Variants in NFIB observed in about 807,000 individuals in gnomAD.
NFIB encodes the protein nuclear factor I B.
NFIB carries 11 observed loss-of-function variants against 61.5 expected under a neutral mutation model. That is an observed-to-expected ratio of 0.18 (90% CI 0.11 to 0.30). The LOEUF is 0.30. NFIB is among the 10% of genes least tolerant of loss of function. The pLI, the probability that NFIB is intolerant of heterozygous loss-of-function variation, is 1.00. For synonymous variants in NFIB, 260 were observed against 216.5 expected, an observed-to-expected ratio of 1.20 and a Z score of -1.76; for missense variants, 471 against 608.9, an observed-to-expected ratio of 0.77 and a Z score of 2.38.
At chr9:14,157,852 A>G (rs2043619506) in intron 3 of NFIB, among the ~76,000 whole-genome samples, 2 of 152,110 alleles carry the variant, frequency 1.3e-5, no homozygotes, top group African/African-American at 4.8e-5. Flanking sequence ...TATATTAAGT[A>G]CAAAACCTTC....
chr9:14,333,067 T>C (rs768978905), intron 1 of NFIB, among the ~76,000 whole-genome samples: 5 of 152,298 alleles, frequency 3.3e-5, no homozygotes, highest in Admixed American at 3.3e-4. Context: ...AACGCTATTG[T>C]AGAGCTTTGG....
chr9:14,186,308 C>T (rs1038366303), intron 2 of NFIB, among the ~76,000 whole-genome samples: 2 of 152,094 alleles, frequency 1.3e-5, no homozygotes, highest in African/African-American at 2.4e-5. Flanking sequence ...ATAAAGGGCC[C>T]TTTTGTCATA....
intron 2 of NFIB, among the ~76,000 whole-genome samples, chr9:14,207,619 C>T (rs774363538): frequency 6.6e-6 from 1 of 152,230 alleles, no homozygotes. Context: ...CACTACCTTC[C>T]TCCTTCCCCA....
the NFIB span, among the ~76,000 whole-genome samples, chr9:14,482,879 C>T: frequency 1.4e-4 from 21 of 152,136 alleles, no homozygotes; most frequent in Non-Finnish European, 1.3e-4. Flanking sequence ...TTTGTAACTG[C>T]TCAAAATAAA....
chr9:14,490,754 T>C, the NFIB span, among the ~76,000 whole-genome samples: 1 of 152,204 alleles, frequency 6.6e-6, no homozygotes, highest in African/African-American at 2.4e-5. Flanking sequence ...TGCGATACCA[T>C]CTTACTATCC....
At chr9:14,136,397 A>G (rs553131224) in intron 6 of NFIB, among the ~76,000 whole-genome samples, 16 of 152,240 alleles carry the variant, frequency 1.1e-4, no homozygotes, top group African/African-American at 3.8e-4. Context: ...CCTCTTGGCT[A>G]TGGAGTCTTA....
At chr9:14,419,118 A>T in the NFIB span, among the ~76,000 whole-genome samples, 2 of 151,748 alleles carry the variant, frequency 1.3e-5, no homozygotes, top group Non-Finnish European at 2.9e-5. Context: ...AACTGGGCAA[A>T]AAAATAGAGG....
chr9:14,227,572 C>A (rs959394125), intron 2 of NFIB, among the ~76,000 whole-genome samples: 3 of 152,096 alleles, frequency 2.0e-5, no homozygotes, highest in Non-Finnish European at 4.4e-5. Context: ...TGAATACTGG[C>A]ATGAAAATTT....
intron 6 of NFIB, 79 bp from the exon 7 acceptor site, chr9:14,125,845 A>C (rs2130889381): frequency 9.0e-5 from 138 of 1,529,002 alleles, no homozygotes; most frequent in Non-Finnish European, 1.1e-4. Context: ...GACAGATCTC[A>C]TCTTGCAACA....
the NFIB span, among the ~76,000 whole-genome samples, chr9:14,420,804 G>A: frequency 6.6e-6 from 1 of 152,260 alleles, no homozygotes; most frequent in Non-Finnish European, 1.5e-5. Context: ...CAGGGGAAAT[G>A]GGTTGCAGAA....
chr9:14,227,574 T>A (rs991347046), intron 2 of NFIB, among the ~76,000 whole-genome samples: 1 of 152,242 alleles, frequency 6.6e-6, no homozygotes, highest in Non-Finnish European at 1.5e-5. Flanking sequence ...AATACTGGCA[T>A]GAAAATTTAC....
chr9:14,326,948 A>G (rs1005862746), intron 1 of NFIB, among the ~76,000 whole-genome samples: 5 of 152,232 alleles, frequency 3.3e-5, no homozygotes, highest in Non-Finnish European at 2.9e-5. Context: ...TTAGAATTTC[A>G]ACCATCAAAA....
chr9:14,457,037 A>G, the NFIB span, among the ~76,000 whole-genome samples: 6 of 152,232 alleles, frequency 3.9e-5, no homozygotes, highest in African/African-American at 1.4e-4. Flanking sequence ...ATACTGACAT[A>G]AAAAGACATT....
At chr9:14,223,486 G>T (rs1255057536) in intron 2 of NFIB, among the ~76,000 whole-genome samples, 1 of 152,116 alleles carries the variant, frequency 6.6e-6, no homozygotes, top group Non-Finnish European at 1.5e-5. Context: ...TTAAAAATTA[G>T]CATTCCAATT....
rs751279935 is a variant in NFIB, at chr9:14,219,381, TAAAAA to T, written c.563-39606_563-39602del. On this transcript the variant is annotated intron_variant, in intron 2 of 10. Transcript: ENST00000380953. ...ATAGAGTCATCTTGTAGCACTAGGG[TAAAAA>T]AAAAAAAAAAAAAAAAAAGTCTAAG... Among the ~76,000 whole-genome samples the T allele has an allele frequency of 6.8e-4, 50 of 73,514 alleles. 1 individual carries two copies. The highest frequency in any genetic ancestry group is 5.2e-3 in the Admixed American group (28 of 5,426). 48.2% of individuals were successfully genotyped at this position (73,514 alleles called of 152,430 possible). A position where few individuals can be genotyped will look rare whatever the true frequency, so the allele number is the denominator to read the frequency against.
chr9:14,271,929 C>CTAAAA (rs2132334094), intron 2 of NFIB, among the ~76,000 whole-genome samples: 1 of 152,118 alleles, frequency 6.6e-6, no homozygotes, highest in East Asian at 1.9e-4. Flanking sequence ...TTTAAGGGTG[C>CTAAAA]TAATAACTTT....
At chr9:14,343,775 G>A (rs906988796) in intron 1 of NFIB, among the ~76,000 whole-genome samples, 1 of 146,510 alleles carries the variant, frequency 6.8e-6, no homozygotes, top group Non-Finnish European at 1.5e-5. Flanking sequence ...AGGCATGCAT[G>A]AGAGTCCCAA....
At chr9:14,351,411 T>C (rs13297265) in intron 1 of NFIB, among the ~76,000 whole-genome samples, 32,219 of 152,102 alleles carry the variant, frequency 0.21, 3,440 homozygotes, top group Middle Eastern at 0.28. Context: ...TAGGGCTGGC[T>C]GTGTCCGGGC....
At chr9:14,279,914 C>T (rs535064235) in intron 2 of NFIB, among the ~76,000 whole-genome samples, 4 of 152,296 alleles carry the variant, frequency 2.6e-5, no homozygotes, top group South Asian at 4.1e-4. Context: ...TCACATCTTT[C>T]GTGCTTTGAT....
Sources: allele counts gnomAD v4.1 joint callset (sites outside exome capture counted in the v4.1 genomes callset), GRCh38; gene constraint gnomAD v4.1.1; transcripts MANE v1.5; gene names NCBI Gene and HGNC (gene_info 2026-07-23, HGNC 2026-07-21).